The following EMCN variants were observed in gnomAD, a reference collection of about 807,000 sequenced individuals.
EMCN encodes the protein endomucin.
In EMCN, 37 loss-of-function variants were observed where a neutral mutation model predicts 38.4. The ratio of observed to expected loss-of-function variants is 0.96; its 90% CI spans 0.74 to 1.27. EMCN has a LOEUF of 1.27. Among genes scored for constraint, EMCN ranks in the 50% most tolerant of loss-of-function variants. The pLI is 0.00. For synonymous variants in EMCN, 95 were observed against 100.8 expected (o/e 0.94, Z 0.35); for missense variants, 318 against 302.8 (o/e 1.05, Z -0.37).
rs185082170 is a variant in EMCN, at chr4:100,449,491, T to C, written c.377-1920A>G. 5.3e-5 allele frequency among the ~76,000 whole-genome samples: 8 copies of C among 152,240 alleles called. No individual in the cohort carries two copies. In the East Asian group the frequency reaches 1.5e-3, roughly 29 times the overall value. Reference sequence around the variant, plus strand: ...AAAGCTATGTAATTAATTCCTACTTTTGATAACTAATTAAAACACTTTTGA... The same window carrying C: ...AAAGCTATGTAATTAATTCCTACTTCTGATAACTAATTAAAACACTTTTGA... On this transcript the variant is annotated intron_variant, in intron 4 of 11. Coordinates refer to ENST00000296420, the MANE Select transcript of EMCN (RefSeq NM_016242.4).
intron 4 of EMCN, among the ~76,000 whole-genome samples, chr4:100,450,375 T>A (rs1727803684): frequency 6.6e-6 from 1 of 152,018 alleles, no homozygotes; most frequent in African/African-American, 2.4e-5. Context: ...ATTTAGTTTT[T>A]AAATCAGAAA....
At chr4:100,408,158 G>T (rs1052775771) in intron 11 of EMCN, among the ~76,000 whole-genome samples, 1 of 152,124 alleles carries the variant, frequency 6.6e-6, no homozygotes, top group Non-Finnish European at 1.5e-5. Flanking sequence ...CTCGGAATGG[G>T]TTTCAATCTT....
chr4:100,493,514 C>A (rs1258035685), intron 1 of EMCN, among the ~76,000 whole-genome samples: 3 of 152,058 alleles, frequency 2.0e-5, no homozygotes, highest in African/African-American at 7.2e-5. Context: ...CACCAGGGAT[C>A]TTTGAATCCA....
chr4:100,485,278 A>G (rs534356996), intron 1 of EMCN, among the ~76,000 whole-genome samples: 5 of 152,184 alleles, frequency 3.3e-5, no homozygotes, highest in African/African-American at 9.6e-5. Flanking sequence ...ATTCCCAGCA[A>G]CTCAGTGTTT....
At chr4:100,485,308 T>C (rs151075681) in intron 1 of EMCN, among the ~76,000 whole-genome samples, 178 of 152,284 alleles carry the variant, frequency 1.2e-3, no homozygotes, top group African/African-American at 4.1e-3. Context: ...TTGAAAATTT[T>C]ATCTTAAAAT....
chr4:100,493,923 T>A (rs1729147595), intron 1 of EMCN, among the ~76,000 whole-genome samples: 1 of 152,210 alleles, frequency 6.6e-6, no homozygotes, highest in Non-Finnish European at 1.5e-5. Flanking sequence ...CATTGATGAC[T>A]CATACTTTTT....
intron 3 of EMCN, among the ~76,000 whole-genome samples, chr4:100,466,928 T>C (rs1728332245): frequency 6.6e-6 from 1 of 151,914 alleles, no homozygotes; most frequent in Non-Finnish European, 1.5e-5. Flanking sequence ...GAAAAAGCTA[T>C]CCTGAAGGCC....
intron 4 of EMCN, 64 bp downstream of exon 4, chr4:100,465,359 C>T: frequency 1.1e-6 from 1 of 890,764 alleles, no homozygotes; most frequent in East Asian, 2.5e-5. Flanking sequence ...TGCTGGAAAA[C>T]ATTCTGAAAC....
chr4:100,434,059 A>T (rs1447361370), intron 5 of EMCN, among the ~76,000 whole-genome samples: 1 of 152,088 alleles, frequency 6.6e-6, no homozygotes, highest in Non-Finnish European at 1.5e-5. Flanking sequence ...GAACGAAAAA[A>T]CCTTCAATAA....
chr4:100,513,689 G>T (rs562863444), intron 1 of EMCN, among the ~76,000 whole-genome samples: 2 of 151,964 alleles, frequency 1.3e-5, no homozygotes, highest in Non-Finnish European at 2.9e-5. Flanking sequence ...CAAAATAATC[G>T]ACTTTTTTCT....
At chr4:100,486,415 T>A (rs1001206263) in intron 1 of EMCN, among the ~76,000 whole-genome samples, 1 of 152,170 alleles carries the variant, frequency 6.6e-6, no homozygotes, top group Non-Finnish European at 1.5e-5. Context: ...AATGAAAACA[T>A]CAGAGCTAGG....
chr4:100,442,354 A>G (rs962982332), intron 5 of EMCN, among the ~76,000 whole-genome samples: 1 of 152,146 alleles, frequency 6.6e-6, no homozygotes, highest in Non-Finnish European at 1.5e-5. Flanking sequence ...TCTGGTTATA[A>G]TGTGCCTTAG....
At chr4:100,492,139 A>G (rs1021770014) in intron 1 of EMCN, among the ~76,000 whole-genome samples, 1 of 152,210 alleles carries the variant, frequency 6.6e-6, no homozygotes, top group Non-Finnish European at 1.5e-5. Context: ...GGAATAAAAA[A>G]TTAATGAAAT....
intron 1 of EMCN, among the ~76,000 whole-genome samples, chr4:100,500,452 A>T (rs1729321446): frequency 6.6e-6 from 1 of 152,162 alleles, no homozygotes; most frequent in East Asian, 1.9e-4. Context: ...CAGATTAAAA[A>T]ATAGAATATT....
At chr4:100,433,307 G>A (rs193069199) in intron 5 of EMCN, among the ~76,000 whole-genome samples, 2 of 152,094 alleles carry the variant, frequency 1.3e-5, no homozygotes, top group East Asian at 1.9e-4. Context: ...TTATTTTTTA[G>A]GACTAAATAA....
At chr4:100,398,808 CCT>C (rs1726179882) in intron 11 of EMCN, among the ~76,000 whole-genome samples, 1 of 152,120 alleles carries the variant, frequency 6.6e-6, no homozygotes, top group Non-Finnish European at 1.5e-5. Context: ...CTAGCTTAAG[CCT>C]TTATCTTTTT....
At chr4:100,435,120 A>C (rs1727313650) in intron 5 of EMCN, among the ~76,000 whole-genome samples, 1 of 152,198 alleles carries the variant, frequency 6.6e-6, no homozygotes, top group Admixed American at 6.5e-5. Context: ...CTGTACCTAG[A>C]AAACTCCATT....
At chr4:100,473,369 TTTTGTTTTTTTTTTTTG>T (rs1386060430) in intron 3 of EMCN, among the ~76,000 whole-genome samples, 3 of 99,828 alleles carry the variant, frequency 3.0e-5, no homozygotes, top group African/African-American at 9.6e-5. Flanking sequence ...TTTCGTGTTT[TTTTGTTTTTTTTTTTTG>T]TTTTTTTTTT....
In EMCN at chr4:100,415,890, A is replaced by T; in HGVS notation, c.751+8T>A. On this transcript the variant is annotated splice_region_variant and intron_variant, in intron 10 of 11. Coordinates refer to ENST00000296420, the MANE Select transcript of EMCN (RefSeq NM_016242.4). ...ATTTTCATCTAATCAACTTGTCTGG[A>T]AACTTACCAGACTCATGAGAAATTG... 6.4e-7 allele frequency: 1 copy of T among 1,570,886 alleles called. No individual in the cohort carries two copies. The highest frequency in any genetic ancestry group is 2.3e-5 in the East Asian group (1 of 42,984).
Sources: gnomAD v4.1 joint callset for allele counts (sites outside exome capture counted in the v4.1 genomes callset) on GRCh38, gnomAD v4.1.1 for gene constraint, MANE v1.5 for transcripts, NCBI Gene and HGNC (gene_info 2026-07-23, HGNC 2026-07-21) for gene names.